Variants in TCF3 observed in about 807,000 individuals in gnomAD.
TCF3 encodes transcription factor 3, also known as transcription factor E2-alpha.
In TCF3, 54 loss-of-function variants were observed where a neutral mutation model predicts 72.3. That is an observed-to-expected ratio of 0.75 (90% CI 0.60 to 0.94). TCF3 has a LOEUF of 0.94. TCF3 is among the 40% of genes least tolerant of loss of function. The pLI is 0.00. For synonymous variants in TCF3, 525 were observed against 412.6 expected, an observed-to-expected ratio of 1.27 and a Z score of -3.30; for missense variants, 1,078 against 934.4, an observed-to-expected ratio of 1.15 and a Z score of -2.00.
intron 16 of TCF3, among the ~76,000 whole-genome samples, chr19:1,618,353 A>G (rs560687102): frequency 6.6e-6 from 1 of 152,126 alleles, no homozygotes; most frequent in South Asian, 2.1e-4. Flanking sequence ...TGCCACTCAT[A>G]GTCTGTCCTC....
intron 3 of TCF3, among the ~76,000 whole-genome samples, chr19:1,635,367 C>G (rs916200906): frequency 6.6e-5 from 10 of 152,164 alleles, no homozygotes; most frequent in African/African-American, 1.2e-4. Context: ...CCGGATGGAG[C>G]CTTTAGAAGC....
chr19:1,643,187 T>G (rs910390746), intron 3 of TCF3, among the ~76,000 whole-genome samples: 9 of 152,208 alleles, frequency 5.9e-5, no homozygotes, highest in African/African-American at 2.2e-4. Context: ...CCAGAAAATC[T>G]TGGTTTCCTA....
rs770576452 is a variant in TCF3, at chr19:1,612,359, C to T, written c.1823-510G>A. The stretch of plus-strand genomic sequence containing the variant: ...AATATCCCGCACGCGCACCCGCTCC[C>T]GCGCGTTATTGGCCATGCGCCTCTC... On this transcript the variant is annotated intron_variant, in intron 18 of 18. Coordinates refer to ENST00000262965, the MANE Select transcript of TCF3 (RefSeq NM_003200.5). 2 of 1,613,948 alleles carry T rather than the reference C, an allele frequency of 1.2e-6. No homozygotes were observed. Among genetic ancestry groups the T allele is most frequent in the Non-Finnish European group, 1.7e-6 (2 of 1,179,896 alleles).
At chr19:1,619,754 T>TGGGGTGGGGG (rs2061955519) in intron 14 of TCF3, 26 bp downstream of exon 14, 3 of 519,356 alleles carry the variant, frequency 5.8e-6, no homozygotes, top group Non-Finnish European at 5.1e-6. Flanking sequence ...CGGGGAAGGG[T>TGGGGTGGGGG]GGGGTGGGGC....
chr19:1,641,513 C>T (rs1043816700), intron 3 of TCF3, among the ~76,000 whole-genome samples: 5 of 152,134 alleles, frequency 3.3e-5, no homozygotes, highest in South Asian at 2.1e-4. Flanking sequence ...AGTGCAGTGG[C>T]GCAATCTCAG....
In TCF3 at chr19:1,650,278, C is replaced by T. The variant is rs1489138589; in HGVS notation, c.-30G>A. On this transcript the variant is annotated 5_prime_UTR_variant, in exon 2 of 19. Transcript: ENST00000262965. ...CTGGGGCCAGGGCGGGCACCTCAGG[C>T]CTGGAAACCCTGCTTGGTGGATGTG... 2 of 1,546,210 alleles carry T rather than the reference C, an allele frequency of 1.3e-6. No homozygotes were observed. Among genetic ancestry groups the T allele is most frequent in the South Asian group, 1.2e-5 (1 of 84,238 alleles).
At position 1,622,312 on chromosome 19, in the gene TCF3, C is replaced by T; in HGVS notation, c.652+1G>A. On this transcript the variant is annotated splice_donor_variant, in intron 9 of 18. Coordinates refer to ENST00000262965, the MANE Select transcript of TCF3 (RefSeq NM_003200.5). LOFTEE classifies it high-confidence loss of function. ...TGGCGAGCCCCCGCCCTGCCATGTA[C>T]CTGCCACGTAGAAGGGGGCGGGATA... 6.5e-7 allele frequency: 1 copy of T among 1,527,248 alleles called. No homozygotes were observed. The highest frequency in any genetic ancestry group is 8.8e-7 in the Non-Finnish European group (1 of 1,136,908). The allele number at this position is 1,527,248 out of a possible 1,614,324, so 94.6% of individuals were successfully genotyped here.
chr19:1,632,264 C>A, intron 4 of TCF3, 68 bp downstream of exon 4: 1 of 1,548,904 alleles, frequency 6.5e-7, no homozygotes, highest in Non-Finnish European at 8.7e-7. Flanking sequence ...CCTCAGTTTC[C>A]CCACACCCCT....
intron 13 of TCF3, 96 bp downstream of exon 13, chr19:1,620,872 C>G (rs2062109605): frequency 4.0e-6 from 5 of 1,252,336 alleles, no homozygotes; most frequent in Non-Finnish European, 5.3e-6. Context: ...CAGAACCAGC[C>G]TCCCCTCCCC....
intron 6 of TCF3, among the ~76,000 whole-genome samples, chr19:1,626,582 C>CGATG (rs1297795281): frequency 1.3e-5 from 2 of 152,150 alleles, no homozygotes; most frequent in East Asian, 3.9e-4. Flanking sequence ...CCGCGGGGCT[C>CGATG]GATGAGTCAC....
intron 4 of TCF3, 79 bp from the exon 5 acceptor site, chr19:1,632,195 C>A: frequency 1.3e-6 from 2 of 1,562,068 alleles, no homozygotes; most frequent in Non-Finnish European, 1.7e-6. Flanking sequence ...GCTGGAGAGG[C>A]AGGACTCAAA....
intron 18 of TCF3, among the ~76,000 whole-genome samples, chr19:1,613,905 T>G (rs1426410303): frequency 1.3e-5 from 2 of 152,238 alleles, no homozygotes; most frequent in Non-Finnish European, 2.9e-5. Flanking sequence ...AAGAGCCTGT[T>G]CTGTGCCAGG....
chr19:1,634,450 T>G (rs1337661369), intron 3 of TCF3, among the ~76,000 whole-genome samples: 1 of 152,196 alleles, frequency 6.6e-6, no homozygotes, highest in Admixed American at 6.5e-5. Flanking sequence ...GCAGGGGCGC[T>G]GGGGAGAGGG....
intron 6 of TCF3, among the ~76,000 whole-genome samples, chr19:1,626,903 A>AGGAACCCT: frequency 6.6e-6 from 1 of 151,518 alleles, no homozygotes; most frequent in Admixed American, 6.6e-5. Context: ...GGGGTGAGGG[A>AGGAACCCT]GGAACCCTGG....
In TCF3 at chr19:1,614,135, A is replaced by G. The variant is rs1468971719; in HGVS notation, c.1822+1150T>C. ...GTTGTGGTGAAGATGAAATGGGTGA[A>G]GGTCTGGCCCAGTGCCCAGCATGCC... On this transcript the variant is annotated intron_variant, in intron 18 of 18. Transcript: ENST00000262965. The surrounding 1 kb of genome is among the most constrained non-coding windows in gnomAD (Gnocchi z 5.6). 6.6e-6 allele frequency among the ~76,000 whole-genome samples: 1 copy of G among 152,234 alleles called. No individual in the cohort carries two copies. Among genetic ancestry groups the G allele is most frequent in the East Asian group, 1.9e-4 (1 of 5,204 alleles).
intron 3 of TCF3, among the ~76,000 whole-genome samples, chr19:1,636,860 T>C (rs976717533): frequency 1.3e-5 from 2 of 152,026 alleles, no homozygotes; most frequent in African/African-American, 2.4e-5. Flanking sequence ...TGTCTGGCGA[T>C]GGGGGGTGGG....
Position 1,625,662 on chromosome 19 carries a change from A to G in TCF3, c.413T>C (p.Leu138Pro), listed in dbSNP as rs779042308. ...GGTCCCCTTCATGCCCGAAGGGGAC[A>G]GGGGCCCGGGGCTGTTGAGGGCCAG... Reference protein sequence around the residue: ...GELALNSPGPLSPSGMKGTSQ... With the variant: ...GELALNSPGPPSPSGMKGTSQ... Residue 138 changes from leucine to proline, a missense_variant, in exon 7 of 19, where the codon CTG becomes CCG. Leu to Pro is a moderately conservative substitution (Grantham distance 98). Transcript: ENST00000262965. The G allele has an allele frequency of 1.2e-5, 18 of 1,535,724 alleles. 1 individual carries two copies. The South Asian group carries it at 2.1e-4, about 18-fold the overall frequency.
rs796528233 is a variant in TCF3 at position 1,641,304 on chromosome 19, AT to A, written c.145+5050del. Reference sequence around the variant, plus strand: ...AGAAGGTTGCAAACTATAGGATTCCATTTACACAAAATACTCAAAGTGAAAA... The same window carrying A: ...AGAAGGTTGCAAACTATAGGATTCCATTACACAAAATACTCAAAGTGAAAA... On this transcript the variant is annotated intron_variant, in intron 3 of 18. Coordinates refer to ENST00000262965, the MANE Select transcript of TCF3 (RefSeq NM_003200.5). Among the ~76,000 whole-genome samples, 26 of 152,118 alleles carry A rather than the reference AT, an allele frequency of 1.7e-4. No homozygotes were observed. The South Asian group carries it at 2.5e-3, about 15-fold the overall frequency.
At chr19:1,651,843 C>G (rs1169544020) in intron 1 of TCF3, among the ~76,000 whole-genome samples, 1 of 148,880 alleles carries the variant, frequency 6.7e-6, no homozygotes, top group African/African-American at 2.5e-5. Flanking sequence ...CTGCAGCGCG[C>G]GGCACCTTCC....
Sources: gnomAD v4.1 joint callset for allele counts (sites outside exome capture counted in the v4.1 genomes callset) on GRCh38, gnomAD v4.1.1 for gene constraint, Gnocchi (gnomAD v3.1) non-coding constraint, MANE v1.5 for transcripts, NCBI Gene and HGNC (gene_info 2026-07-23, HGNC 2026-07-21) for gene names.